Variants in UBE3D observed in about 807,000 individuals in gnomAD.
UBE3D encodes the protein E3 ubiquitin-protein ligase E3D.
Under a neutral mutation model 49.6 loss-of-function variants are expected in UBE3D, and 48 were observed. The observed-to-expected ratio is 0.97, with a 90% confidence interval of 0.77 to 1.23. The LOEUF (loss-of-function observed/expected upper bound fraction) is 1.23, where lower values mean the gene tolerates loss of function less well. Among genes scored for constraint, UBE3D ranks in the 50% most tolerant of loss-of-function variants. The pLI, the probability that UBE3D is intolerant of heterozygous loss-of-function variation, is 0.00. For missense variants in UBE3D, 452 were observed against 468.4 expected (o/e 0.96, Z 0.32); for synonymous variants, 189 against 174.2 (o/e 1.08, Z -0.67).
At chr6:83,061,349 G>A (rs944642476) in intron 1 of UBE3D, among the ~76,000 whole-genome samples, 1 of 152,214 alleles carries the variant, frequency 6.6e-6, no homozygotes. Flanking sequence ...GGGATATTAT[G>A]TAGACAACTG....
At chr6:83,000,020 T>C (rs780822000) in intron 8 of UBE3D, among the ~76,000 whole-genome samples, 2 of 152,198 alleles carry the variant, frequency 1.3e-5, no homozygotes, top group Non-Finnish European at 2.9e-5. Flanking sequence ...CCTTAGCCTC[T>C]AAAAAGCAAT....
At chr6:82,910,441 T>C (rs911697991) in intron 9 of UBE3D, among the ~76,000 whole-genome samples, 6 of 152,138 alleles carry the variant, frequency 3.9e-5, no homozygotes, top group African/African-American at 1.4e-4. Context: ...GAAAAGAGAC[T>C]GGGAGATTTG....
intron 7 of UBE3D, among the ~76,000 whole-genome samples, chr6:83,019,772 G>A (rs367898098): frequency 6.6e-6 from 1 of 152,130 alleles, no homozygotes; most frequent in East Asian, 1.9e-4. Context: ...CTGATCCATG[G>A]GGGAGTTCTA....
rs141287098 is a variant in UBE3D, at chr6:82,994,401, C to T, written c.1010+24572G>A. ...TTAATATTTGAGCAGTAGCAGTATT[C>T]CATTCTGATTGGACATGACAGAGAG... On this transcript the variant is annotated intron_variant, in intron 8 of 9. Transcript: ENST00000369747. Among the ~76,000 whole-genome samples, 869 of 152,220 alleles carry T rather than the reference C, an allele frequency of 5.7e-3. 7 individuals carry two copies. Among genetic ancestry groups the T allele is most frequent in the Middle Eastern group, 0.031 (9 of 294 alleles).
chr6:82,954,633 C>T (rs1776032680), intron 9 of UBE3D, among the ~76,000 whole-genome samples: 1 of 152,046 alleles, frequency 6.6e-6, no homozygotes, highest in Non-Finnish European at 1.5e-5. Flanking sequence ...TTTTATAGCT[C>T]TTGCCAATAT....
intron 3 of UBE3D, among the ~76,000 whole-genome samples, chr6:83,050,635 C>A (rs374925056): frequency 6.6e-6 from 1 of 152,154 alleles, no homozygotes; most frequent in African/African-American, 2.4e-5. Flanking sequence ...TTAATGAGCA[C>A]AAAGTTGTCC....
chr6:83,000,595 G>A (rs527432408), intron 8 of UBE3D, among the ~76,000 whole-genome samples: 27 of 152,270 alleles, frequency 1.8e-4, no homozygotes, highest in African/African-American at 6.3e-4. Flanking sequence ...ACCACCTCTT[G>A]CTTCTCTCTG....
chr6:82,962,112 AT>A (rs1158161758), intron 8 of UBE3D, among the ~76,000 whole-genome samples: 3 of 152,062 alleles, frequency 2.0e-5, no homozygotes, highest in Non-Finnish European at 4.4e-5. Flanking sequence ...AGAAAAAAAG[AT>A]TAGGGGGCAA....
In UBE3D at chr6:83,023,890, A is replaced by T. The variant is rs1003824154; in HGVS notation, c.737+79T>A. 9.4e-5 allele frequency: 92 copies of T among 982,594 alleles called. No individual in the cohort carries two copies. In the African/African-American group the frequency reaches 1.5e-3, roughly 16 times the overall value. The allele number at this position is 982,594 out of a possible 1,614,324, so 60.9% of individuals were successfully genotyped here. A position where few individuals can be genotyped will look rare whatever the true frequency, so the allele number is the denominator to read the frequency against. On this transcript the variant is annotated intron_variant, in intron 6 of 9. Transcript: ENST00000369747. ...CTATTAAAATAAAAAATAAATTCAA[A>T]ACCAAAAAATAAAAAATAAAGGTCT... is the stretch of plus-strand genomic sequence containing the variant.
At chr6:83,045,163 T>C (rs1562222885) in intron 3 of UBE3D, among the ~76,000 whole-genome samples, 1 of 152,188 alleles carries the variant, frequency 6.6e-6, no homozygotes, top group Non-Finnish European at 1.5e-5. Flanking sequence ...TCTATTTTCC[T>C]TGGAAAGAAT....
At chr6:82,904,279 C>A (rs1372605055) in intron 9 of UBE3D, among the ~76,000 whole-genome samples, 1 of 152,038 alleles carries the variant, frequency 6.6e-6, no homozygotes, top group Non-Finnish European at 1.5e-5. Flanking sequence ...CAAGGACCTG[C>A]CAAACGTCAT....
At chr6:83,024,330 T>C (rs1781301431) in intron 5 of UBE3D, among the ~76,000 whole-genome samples, 3 of 152,180 alleles carry the variant, frequency 2.0e-5, no homozygotes, top group Admixed American at 2.0e-4. Flanking sequence ...TGCACTTAGA[T>C]AGAAATTAGT....
chr6:82,932,820 G>C (rs915056748), intron 9 of UBE3D, among the ~76,000 whole-genome samples: 5 of 152,216 alleles, frequency 3.3e-5, no homozygotes, highest in South Asian at 2.1e-4. Flanking sequence ...AATTGCCATT[G>C]TTTTCTGCTA....
At chr6:82,963,600 G>C (rs967511131) in intron 8 of UBE3D, among the ~76,000 whole-genome samples, 1 of 152,118 alleles carries the variant, frequency 6.6e-6, no homozygotes, top group Non-Finnish European at 1.5e-5. Flanking sequence ...AGGCTGGGAG[G>C]CTAAGTCAAT....
At chr6:82,931,355 A>G (rs531229273) in intron 9 of UBE3D, among the ~76,000 whole-genome samples, 1 of 152,314 alleles carries the variant, frequency 6.6e-6, no homozygotes, top group East Asian at 1.9e-4. Context: ...CTGGTGCACC[A>G]CCTGGTGGAG....
chr6:82,932,974 G>A (rs1475985292), intron 9 of UBE3D, among the ~76,000 whole-genome samples: 1 of 152,140 alleles, frequency 6.6e-6, no homozygotes, highest in Non-Finnish European at 1.5e-5. Flanking sequence ...GAATGTGACA[G>A]TATGAGAGGG....
intron 9 of UBE3D, among the ~76,000 whole-genome samples, chr6:82,904,457 T>C (rs559213708): frequency 6.6e-6 from 1 of 152,274 alleles, no homozygotes; most frequent in African/African-American, 2.4e-5. Flanking sequence ...AGAGCTGAGA[T>C]TGAATGCCTC....
chr6:82,888,756 G>T (rs1201096304), downstream of UBE3D, among the ~76,000 whole-genome samples: 1 of 152,174 alleles, frequency 6.6e-6, no homozygotes, highest in Non-Finnish European at 1.5e-5. Context: ...AATGGAAATA[G>T]GGACATATTT....
At chr6:82,962,010 G>GTC (rs1258636064) in intron 8 of UBE3D, among the ~76,000 whole-genome samples, 2 of 151,410 alleles carry the variant, frequency 1.3e-5, no homozygotes, top group Non-Finnish European at 2.9e-5. Flanking sequence ...GTGTGTGTGT[G>GTC]TCTGTATTAC....
Sources: allele counts gnomAD v4.1 joint callset (sites outside exome capture counted in the v4.1 genomes callset), GRCh38; gene constraint gnomAD v4.1.1; transcripts MANE v1.5; gene names NCBI Gene and HGNC (gene_info 2026-07-23, HGNC 2026-07-21).